SPATA31H1: variants seen among roughly 807,000 people sequenced by gnomAD.
SPATA31H1 encodes the protein SPATA31 subfamily H member 1.
the SPATA31H1 span, among the ~76,000 whole-genome samples, chr2:27,542,379 AGAGT>A: frequency 1.3e-5 from 2 of 152,144 alleles, no homozygotes; most frequent in Middle Eastern, 6.8e-3. Context: ...CCTGGGTGAC[AGAGT>A]GAGACTGTCT....
At chr2:27,573,507 C>A in the SPATA31H1 span, 1 of 398,504 alleles carries the variant, frequency 2.5e-6, no homozygotes, top group Non-Finnish European at 4.4e-6. Flanking sequence ...AAGTATACAA[C>A]CTTTGACATC....
the SPATA31H1 span, chr2:27,578,373 G>T: frequency 6.2e-7 from 1 of 1,614,092 alleles, no homozygotes; most frequent in Non-Finnish European, 8.5e-7. Flanking sequence ...CCTTCAAATC[G>T]TAAAATCTGA....
At chr2:27,567,952 A>G in the SPATA31H1 span, 2 of 399,006 alleles carry the variant, frequency 5.0e-6, no homozygotes, top group Non-Finnish European at 8.8e-6. Flanking sequence ...AAACCAATGG[A>G]AACCATGGAA....
At chr2:27,582,181 A>C in the SPATA31H1 span, 4 of 1,613,202 alleles carry the variant, frequency 2.5e-6, no homozygotes, top group Non-Finnish European at 3.4e-6. Flanking sequence ...AGGAGAGGAC[A>C]CAGTTCCTCT....
the SPATA31H1 span, chr2:27,577,520 A>G: frequency 6.8e-6 from 11 of 1,614,136 alleles, no homozygotes; most frequent in East Asian, 2.2e-4. This position sits in a 1 kb window ranked among gnomAD's most constrained non-coding sequence, Gnocchi z 4.5. Flanking sequence ...CTCAAAACTT[A>G]GAATGTGTGG....
At chr2:27,562,838 G>C in the SPATA31H1 span, among the ~76,000 whole-genome samples, 9 of 150,808 alleles carry the variant, frequency 6.0e-5, no homozygotes, top group Admixed American at 5.9e-4. Flanking sequence ...AGTGAGCTGA[G>C]ATCGCGCCAC....
At chr2:27,580,424 T>C in the SPATA31H1 span, 11 of 1,613,994 alleles carry the variant, frequency 6.8e-6, no homozygotes, top group African/African-American at 1.5e-4. Context: ...AAAAGACCTC[T>C]GATTCAAAAT....
the SPATA31H1 span, among the ~76,000 whole-genome samples, chr2:27,550,315 T>C: frequency 0.01 from 1,581 of 151,596 alleles, 61 homozygotes; most frequent in African/African-American, 0.036. Flanking sequence ...TTATGTGTAA[T>C]GTTTGATAGA....
chr2:27,537,671 G>A, the SPATA31H1 span: 1 of 654,388 alleles, frequency 1.5e-6, no homozygotes, highest in Non-Finnish European at 2.8e-6. Context: ...GCAGGGAGAG[G>A]GGAGTTGAGA....
the SPATA31H1 span, among the ~76,000 whole-genome samples, chr2:27,538,986 G>C: frequency 6.6e-6 from 1 of 152,074 alleles, no homozygotes; most frequent in Admixed American, 6.5e-5. Flanking sequence ...AGGAGGTATT[G>C]GGGTGAATGT....
the SPATA31H1 span, chr2:27,577,045 C>T: frequency 1.2e-6 from 2 of 1,614,138 alleles, no homozygotes; most frequent in East Asian, 2.2e-5. The surrounding 1 kb of genome is among the most constrained non-coding windows in gnomAD (Gnocchi z 4.5). Flanking sequence ...TATCACGCCA[C>T]AGAATCTTCA....
At chr2:27,555,676 C>A in the SPATA31H1 span, among the ~76,000 whole-genome samples, 756 of 151,774 alleles carry the variant, frequency 5.0e-3, 16 homozygotes, top group African/African-American at 0.017. Flanking sequence ...GAGATCTGGT[C>A]TCTAAAAGGA....
chr2:27,580,512 C>T, the SPATA31H1 span: 1 of 1,614,142 alleles, frequency 6.2e-7, no homozygotes, highest in Admixed American at 1.7e-5. Flanking sequence ...AATAGAGAGT[C>T]CTTCTAGGGA....
At chr2:27,556,616 T>C in the SPATA31H1 span, among the ~76,000 whole-genome samples, 1 of 151,112 alleles carries the variant, frequency 6.6e-6, no homozygotes, top group Non-Finnish European at 1.5e-5. Flanking sequence ...ATTTTTTTTA[T>C]TTTTTTTCAG....
chr2:27,561,326 TC>T, the SPATA31H1 span, among the ~76,000 whole-genome samples: 1 of 152,292 alleles, frequency 6.6e-6, no homozygotes, highest in African/African-American at 2.4e-5. Context: ...AAACTCTGTC[TC>T]AAAACAAAAA....
chr2:27,564,322 C>T, the SPATA31H1 span, among the ~76,000 whole-genome samples: 1 of 152,128 alleles, frequency 6.6e-6, no homozygotes, highest in African/African-American at 2.4e-5. Flanking sequence ...CCAGGGTCTC[C>T]ATTCCAAATA....
chr2:27,581,754 A>C, the SPATA31H1 span: 1 of 1,612,962 alleles, frequency 6.2e-7, no homozygotes, highest in South Asian at 1.1e-5. Flanking sequence ...GAGCCATCGC[A>C]GTCCCTCAGA....
chr2:27,540,581 C>T, the SPATA31H1 span, among the ~76,000 whole-genome samples: 6 of 142,890 alleles, frequency 4.2e-5, no homozygotes, highest in East Asian at 1.2e-3. Flanking sequence ...AGACGCTCCT[C>T]ACTTCCCAGA....
At chr2:27,565,934 T>C in the SPATA31H1 span, 1 of 689,466 alleles carries the variant, frequency 1.5e-6, no homozygotes, top group South Asian at 1.6e-5. Context: ...TTTATGATCT[T>C]GGGTATAACT....
Sources: gnomAD v4.1 joint callset for allele counts (sites outside exome capture counted in the v4.1 genomes callset) on GRCh38, gnomAD v4.1.1 for gene constraint, Gnocchi (gnomAD v3.1) non-coding constraint, MANE v1.5 for transcripts, NCBI Gene and HGNC (gene_info 2026-07-23, HGNC 2026-07-21) for gene names.